Variants in NAV3 observed in about 807,000 individuals in gnomAD.
NAV3 encodes the protein neuron navigator 3, also known as pore membrane and/or filament interacting like protein 1.
Under a neutral mutation model 244.7 loss-of-function variants are expected in NAV3, and 87 were observed. The ratio of observed to expected loss-of-function variants is 0.36; its 90% CI spans 0.30 to 0.42. The LOEUF is 0.42. Ranked by LOEUF, NAV3 falls within the 20% of genes least tolerant of loss-of-function variation. The pLI is 1.00. For synonymous variants in NAV3, 1,126 were observed against 1,042.2 expected, an observed-to-expected ratio of 1.08 and a Z score of -1.55; for missense variants, 2,663 against 2,893.3, an observed-to-expected ratio of 0.92 and a Z score of 1.83.
At chr12:78,147,215 G>C (rs1336019875) in intron 21 of NAV3, among the ~76,000 whole-genome samples, 1 of 152,006 alleles carries the variant, frequency 6.6e-6, no homozygotes, top group Non-Finnish European at 1.5e-5. Flanking sequence ...TATAATCTCT[G>C]AACCAAAGAG....
chr12:77,705,975 T>C (rs931778296), intron 2 of NAV3, among the ~76,000 whole-genome samples: 8 of 151,516 alleles, frequency 5.3e-5, no homozygotes, highest in African/African-American at 2.0e-4. Context: ...GTTCATCCAT[T>C]GTAGTTGTGT....
rs1314393602 is a variant in NAV3 at position 77,897,702 on chromosome 12, TC to T, written c.244-42616del. 2.6e-5 allele frequency among the ~76,000 whole-genome samples: 4 copies of T among 151,782 alleles called. No individual in the cohort carries two copies. In the East Asian group the frequency reaches 5.8e-4, roughly 22 times the overall value. The stretch of plus-strand genomic sequence containing the variant: ...GCTCCTATTTTGTCTTTTTTTTTTT[TC>T]TTTTTCTTTTAGGGGTGGGGATTGT... On this transcript the variant is annotated intron_variant, in intron 1 of 39. Coordinates refer to ENST00000397909, the MANE Select transcript of NAV3 (RefSeq NM_001024383.2).
chr12:78,004,599 C>T (rs766512340), intron 7 of NAV3, among the ~76,000 whole-genome samples: 6 of 152,146 alleles, frequency 3.9e-5, no homozygotes, highest in African/African-American at 7.2e-5. Context: ...TAAATGGCAA[C>T]GATTATAATT....
intron 12 of NAV3, among the ~76,000 whole-genome samples, chr12:78,096,609 G>A (rs1345462268): frequency 6.6e-6 from 1 of 152,106 alleles, no homozygotes; most frequent in Non-Finnish European, 1.5e-5. Context: ...ATGTGCAGGG[G>A]AACTGCTCTC....
At chr12:78,185,513 T>C in intron 30 of NAV3, 88 bp from the exon 31 acceptor site, 1 of 1,153,760 alleles carries the variant, frequency 8.7e-7, no homozygotes, top group South Asian at 1.4e-5. Context: ...TTGAAAGATA[T>C]AAAACTATGA....
chr12:77,710,030 C>T (rs1181104379), intron 2 of NAV3, among the ~76,000 whole-genome samples: 1 of 152,132 alleles, frequency 6.6e-6, no homozygotes, highest in African/African-American at 2.4e-5. Context: ...TGTCAGCTTG[C>T]ATTAGCTTTA....
rs748531378 is a variant in NAV3 at position 77,766,735 on chromosome 12, G to GTTTTTTTTTTTTTTTTTT, written c.73-173565_73-173548dup. ...AGGATTCTAAAAAACAGGCAATTAAGTTTTTTTTTTTTTTTTTTTTTTTTT... is the reference window on the plus strand; with the variant it reads ...AGGATTCTAAAAAACAGGCAATTAAGTTTTTTTTTTTTTTTTTTTTTTTTTTTTTTTTTTTTTTTTTTT... On this transcript the variant is annotated intron_variant, in intron 2 of 8. Coordinates refer to the NAV3 transcript ENST00000550042. Among the ~76,000 whole-genome samples, 15 of 60,514 alleles carry GTTTTTTTTTTTTTTTTTT rather than the reference G, an allele frequency of 2.5e-4. 1 individual carries two copies. Among genetic ancestry groups the GTTTTTTTTTTTTTTTTTT allele is most frequent in the South Asian group, 8.4e-4 (1 of 1,190 alleles). The allele number at this position is 60,514 out of a possible 152,430, so 39.7% of individuals were successfully genotyped here.
At chr12:78,011,224 G>C (rs971093896) in intron 8 of NAV3, among the ~76,000 whole-genome samples, 1 of 152,102 alleles carries the variant, frequency 6.6e-6, no homozygotes, top group African/African-American at 2.4e-5. Flanking sequence ...AAGTGGCAAA[G>C]TGACCAGTTA....
intron 2 of NAV3, among the ~76,000 whole-genome samples, chr12:77,722,908 A>G (rs1401931618): frequency 2.0e-5 from 3 of 152,062 alleles, no homozygotes; most frequent in Non-Finnish European, 1.5e-5. Flanking sequence ...CTTCATGCAT[A>G]CATACTTGGC....
chr12:77,938,612 G>C (rs1889558614), intron 1 of NAV3, among the ~76,000 whole-genome samples: 1 of 152,008 alleles, frequency 6.6e-6, no homozygotes, highest in Non-Finnish European at 1.5e-5. Flanking sequence ...TTGTAATCTT[G>C]TGATATTTAG....
At chr12:78,164,695 T>C (rs1957705452) in intron 23 of NAV3, among the ~76,000 whole-genome samples, 1 of 151,988 alleles carries the variant, frequency 6.6e-6, no homozygotes, top group African/African-American at 2.4e-5. Context: ...GTTATTTCAG[T>C]AGAACAACTA....
intron 18 of NAV3, 107 bp from the exon 19 acceptor site, chr12:78,137,070 C>A: frequency 9.8e-7 from 1 of 1,015,864 alleles, no homozygotes; most frequent in Non-Finnish European, 1.4e-6. Context: ...ACTCACTATA[C>A]ATTCATGTTT....
intron 12 of NAV3, among the ~76,000 whole-genome samples, chr12:78,084,874 AC>A (rs1953549876): frequency 6.6e-6 from 1 of 152,134 alleles, no homozygotes; most frequent in Non-Finnish European, 1.5e-5. Flanking sequence ...ATGATTGATT[AC>A]TTAGTCTTCT....
chr12:77,748,903 C>G (rs1868694998), intron 2 of NAV3, among the ~76,000 whole-genome samples: 1 of 152,098 alleles, frequency 6.6e-6, no homozygotes, highest in South Asian at 2.1e-4. Flanking sequence ...GTAAAATTGA[C>G]AACTAGGTGA....
intron 35 of NAV3, 26 bp downstream of exon 35, chr12:78,197,427 A>G: frequency 6.7e-7 from 1 of 1,490,204 alleles, no homozygotes; most frequent in African/African-American, 1.4e-5. Flanking sequence ...ATTCTGAATA[A>G]TGAAATATGA....
At chr12:77,776,338 C>T (rs1870354403) in intron 2 of NAV3, among the ~76,000 whole-genome samples, 1 of 152,174 alleles carries the variant, frequency 6.6e-6, no homozygotes, top group African/African-American at 2.4e-5. Context: ...TTTTTGTATA[C>T]ATGTTGAAAT....
chr12:77,915,641 G>A (rs1279071010), intron 1 of NAV3, among the ~76,000 whole-genome samples: 1 of 151,900 alleles, frequency 6.6e-6, no homozygotes, highest in Non-Finnish European at 1.5e-5. Context: ...AGGATGAGGA[G>A]GGTACATTTT....
chr12:78,177,259 A>G lies in NAV3; in HGVS notation c.5243A>G (p.His1748Arg), dbSNP rs752612065. The change falls in exon 27 of 40, where the codon CAT becomes CGT. Residue 1748 changes from histidine to arginine, a missense_variant. By Grantham distance (29) the His-to-Arg change is conservative. This residue lies in a region of NAV3 where 193 missense variants were observed against 200.7 expected (regional missense o/e 0.96). Transcript: ENST00000397909. ...CTTCCGGCATCCCCCAAGTTACCCC[A>G]TAATGCTGGTGACTGTGGCTCAGCA... ...SSLPASPKLP[H>R]NAGDCGSASM... The G allele has an allele frequency of 6.2e-7, 1 of 1,613,610 alleles. No individual in the cohort carries two copies. Among genetic ancestry groups the G allele is most frequent in the Admixed American group, 1.7e-5 (1 of 59,982 alleles).
rs1399203171 is a variant in NAV3, at chr12:77,972,989, T to A, written c.671+4287T>A. Among the ~76,000 whole-genome samples the A allele has an allele frequency of 5.4e-5, 8 of 149,218 alleles. No homozygotes were observed. The East Asian group carries it at 1.6e-3, about 29-fold the overall frequency. ...AAGAATACCTGGAAAAACATTACAG[T>A]AAAAAAAAAATAAAATGAAACTTAA... is the stretch of plus-strand genomic sequence containing the variant. On this transcript the variant is annotated intron_variant, in intron 5 of 39. Coordinates refer to ENST00000397909, the MANE Select transcript of NAV3 (RefSeq NM_001024383.2).
Sources: allele counts gnomAD v4.1 joint callset (sites outside exome capture counted in the v4.1 genomes callset), GRCh38; gene constraint gnomAD v4.1.1; regional missense constraint gnomAD v4.1.1; transcripts MANE v1.5; gene names NCBI Gene and HGNC (gene_info 2026-07-23, HGNC 2026-07-21).